Variants in OSBPL9 observed in about 807,000 individuals in gnomAD.
OSBPL9 encodes the protein oxysterol binding protein like 9.
A neutral mutation model predicts 106.6 loss-of-function variants in OSBPL9; 40 were observed. The ratio of observed to expected loss-of-function variants is 0.38; its 90% CI spans 0.29 to 0.49. The LOEUF is 0.49. OSBPL9 is among the 20% of genes least tolerant of loss of function. The pLI is 0.97. For synonymous variants in OSBPL9, 269 were observed against 295.4 expected, an observed-to-expected ratio of 0.91 and a Z score of 0.92; for missense variants, 609 against 887.2, an observed-to-expected ratio of 0.69 and a Z score of 3.98.
At chr1:51,692,154 T>A (rs1215082314) in intron 3 of OSBPL9, among the ~76,000 whole-genome samples, 2 of 151,924 alleles carry the variant, frequency 1.3e-5, no homozygotes, top group Non-Finnish European at 2.9e-5. Flanking sequence ...AAATAATTTT[T>A]AAATATTAGC....
At chr1:51,711,282 G>A (rs1288268825) in intron 3 of OSBPL9, among the ~76,000 whole-genome samples, 2 of 150,806 alleles carry the variant, frequency 1.3e-5, no homozygotes, top group African/African-American at 4.9e-5. Flanking sequence ...AGTAGGGGCG[G>A]CCGGGCAGAG....
intron 3 of OSBPL9, among the ~76,000 whole-genome samples, chr1:51,705,793 C>T (rs1437072449): frequency 1.3e-5 from 2 of 152,026 alleles, no homozygotes; most frequent in South Asian, 4.1e-4. Context: ...AGATGTTGAT[C>T]GATTTTTTTT....
At chr1:51,715,320 G>A (rs888439119) in intron 4 of OSBPL9, among the ~76,000 whole-genome samples, 2 of 152,330 alleles carry the variant, frequency 1.3e-5, no homozygotes, top group Middle Eastern at 6.8e-3. Flanking sequence ...CCTTTTAAAA[G>A]CAATTTGTAA....
chr1:51,730,052 C>G lies in OSBPL9; in HGVS notation c.319-15484C>G, dbSNP rs538545038. ...GAGGGGCCGGCCCCTACCCCTGAGT[C>G]CCCGGGGTCCCGGCCGCCAGGCCGG... On this transcript the variant is annotated intron_variant, in intron 4 of 23. Transcript: ENST00000428468. 30 of 1,285,858 alleles carry G rather than the reference C, an allele frequency of 2.3e-5. No homozygotes were observed. The Admixed American group carries it at 8.7e-4, about 37-fold the overall frequency. The allele number at this position is 1,285,858 out of a possible 1,614,324, so 79.7% of individuals were successfully genotyped here. A position where few individuals can be genotyped will look rare whatever the true frequency, so the allele number is the denominator to read the frequency against.
chr1:51,650,819 A>G lies in OSBPL9; in HGVS notation c.112-1172A>G, dbSNP rs191275880. Among the ~76,000 whole-genome samples, 7 of 152,336 alleles carry G rather than the reference A, an allele frequency of 4.6e-5. 1 individual carries two copies. The highest frequency in any genetic ancestry group is 1.2e-4 in the African/African-American group (5 of 41,564). ...GAGATGTTACTTTGTTGTATTGCAC[A>G]TGACTAATTTACTCTTAGGAATATT... is the stretch of plus-strand genomic sequence containing the variant. On this transcript the variant is annotated intron_variant, in intron 1 of 23. Transcript: ENST00000428468.
chr1:51,747,599 C>T (rs1668287188), intron 6 of OSBPL9, among the ~76,000 whole-genome samples: 1 of 116,690 alleles, frequency 8.6e-6, no homozygotes. Context: ...GACTGTATAG[C>T]CTTGCGTTTG....
chr1:51,660,578 T>G (rs1402351276), intron 2 of OSBPL9, among the ~76,000 whole-genome samples: 3 of 152,144 alleles, frequency 2.0e-5, no homozygotes, highest in Non-Finnish European at 4.4e-5. Flanking sequence ...AGGTAAAATA[T>G]TGAATGCAAA....
intron 4 of OSBPL9, among the ~76,000 whole-genome samples, chr1:51,725,739 AT>A (rs201204894): frequency 3.9e-5 from 6 of 151,990 alleles, no homozygotes; most frequent in African/African-American, 1.2e-4. Context: ...GCATTAGGGG[AT>A]TTTTTTTCCC....
At chr1:51,760,462 C>G (rs1671244229) in intron 9 of OSBPL9, 2 of 495,412 alleles carry the variant, frequency 4.0e-6, no homozygotes, top group Admixed American at 8.4e-5. Context: ...TTCCATTTAG[C>G]TTTACCTTCT....
In OSBPL9 at chr1:51,628,144, G is replaced by C. The variant is rs547651593; in HGVS notation, c.111+10923G>C. ...CAAACTATAGTGAAAGGTCTATACAGTAGAAGGAAGAAAAGTCACACCTGA... is the reference window on the plus strand; with the variant it reads ...CAAACTATAGTGAAAGGTCTATACACTAGAAGGAAGAAAAGTCACACCTGA... On this transcript the variant is annotated intron_variant, in intron 1 of 23. Transcript: ENST00000428468. 2.1e-4 allele frequency among the ~76,000 whole-genome samples: 32 copies of C among 151,390 alleles called. No homozygotes were observed. In the South Asian group the frequency reaches 3.5e-3, roughly 17 times the overall value.
intron 1 of OSBPL9, among the ~76,000 whole-genome samples, chr1:51,637,123 T>C (rs1411920319): frequency 6.6e-6 from 1 of 152,214 alleles, no homozygotes; most frequent in Non-Finnish European, 1.5e-5. Flanking sequence ...TCAAATCCTG[T>C]TTCTCTCACT....
intron 4 of OSBPL9, among the ~76,000 whole-genome samples, chr1:51,722,438 CATT>C (rs1163483410): frequency 6.6e-6 from 1 of 152,166 alleles, no homozygotes; most frequent in African/African-American, 2.4e-5. Flanking sequence ...GGCCTCCTGT[CATT>C]GTACTTTCCT....
intron 11 of OSBPL9, among the ~76,000 whole-genome samples, chr1:51,763,592 T>C (rs375578178): frequency 6.6e-6 from 1 of 152,182 alleles, no homozygotes; most frequent in Non-Finnish European, 1.5e-5. Context: ...ATAATTACCC[T>C]GTGATTTAAA....
intron 3 of OSBPL9, 152 bp downstream of exon 3, chr1:51,669,664 T>G (rs1649394807): frequency 1.4e-6 from 1 of 740,040 alleles, no homozygotes; most frequent in South Asian, 1.5e-5. Context: ...GTACTGCAGG[T>G]TAGGCAGGGA....
intron 2 of OSBPL9, among the ~76,000 whole-genome samples, chr1:51,608,678 G>GGC (rs1491106562): frequency 1.2e-5 from 1 of 85,322 alleles, no homozygotes; most frequent in African/African-American, 5.7e-5. Flanking sequence ...TTCCTGGATT[G>GGC]GGGGGGGGGG....
At chr1:51,616,003 G>GTTT (rs764823727), upstream of OSBPL9, among the ~76,000 whole-genome samples, 1,114 of 104,508 alleles carry the variant, frequency 0.011, 1 homozygote, top group Non-Finnish European at 0.013. Context: ...AAATCCTTTG[G>GTTT]TTTTTTTTTT....
chr1:51,547,723 A>G, the OSBPL9 span, among the ~76,000 whole-genome samples: 2 of 152,070 alleles, frequency 1.3e-5, no homozygotes, highest in Non-Finnish European at 2.9e-5. Flanking sequence ...GTGCAGCTGT[A>G]GCTGTAGTCC....
chr1:51,559,617 A>G, the OSBPL9 span, among the ~76,000 whole-genome samples: 2 of 152,174 alleles, frequency 1.3e-5, no homozygotes, highest in South Asian at 4.1e-4. Flanking sequence ...CTCCTCTGGC[A>G]TGGTTTAAAT....
the OSBPL9 span, chr1:51,567,317 C>G: frequency 6.6e-6 from 1 of 152,290 alleles, no homozygotes; most frequent in African/African-American, 2.4e-5. Flanking sequence ...CATGTCTGGC[C>G]CACTCTGTCC....
Sources: allele counts gnomAD v4.1 joint callset (sites outside exome capture counted in the v4.1 genomes callset), GRCh38; gene constraint gnomAD v4.1.1; transcripts MANE v1.5; gene names NCBI Gene and HGNC (gene_info 2026-07-23, HGNC 2026-07-21).